Variants in OR9Q1 observed in about 807,000 individuals in gnomAD.
The protein encoded by OR9Q1 is olfactory receptor 9Q1.
For synonymous variants in OR9Q1, 153 were observed against 148.6 expected, an observed-to-expected ratio of 1.03 and a Z score of -0.22; for missense variants, 374 against 378.8, an observed-to-expected ratio of 0.99 and a Z score of 0.11.
At chr11:58,031,672 G>T (rs376001783) in intron 1 of OR9Q1, 1 of 1,613,914 alleles carries the variant, frequency 6.2e-7, no homozygotes, top group South Asian at 1.1e-5. Flanking sequence ...AGCGCTGGAA[G>T]GCCTTCTCTA....
rs111580981 is a variant in OR9Q1 at position 58,040,230 on chromosome 11, C to A, written c.-92-15640C>A. Among the ~76,000 whole-genome samples the A allele has an allele frequency of 2.8e-3, 428 of 152,302 alleles. 1 individual carries two copies. The highest frequency in any genetic ancestry group is 9.9e-3 in the African/African-American group (413 of 41,566). ...TAAAAGGACAGAGTGGACTGGGTGA[C>A]TTTAAATATCTACCTTTTGAATGTT... On this transcript the variant is annotated intron_variant, in intron 1 of 2. Transcript: ENST00000335397.
chr11:58,028,277 C>A (rs1852994977), intron 1 of OR9Q1, among the ~76,000 whole-genome samples: 1 of 152,014 alleles, frequency 6.6e-6, no homozygotes, highest in Admixed American at 6.5e-5. Context: ...GAGCAGGTGC[C>A]CTCTGCATTT....
intron 2 of OR9Q1, among the ~76,000 whole-genome samples, chr11:58,175,969 C>T (rs1450066189): frequency 6.6e-6 from 1 of 152,004 alleles, no homozygotes; most frequent in African/African-American, 2.4e-5. Context: ...GAGCAACATC[C>T]CAGGCTTTTG....
intron 2 of OR9Q1, among the ~76,000 whole-genome samples, chr11:58,100,200 C>T (rs1853770568): frequency 6.6e-6 from 1 of 152,152 alleles, no homozygotes; most frequent in Non-Finnish European, 1.5e-5. Flanking sequence ...CATACAACAT[C>T]ACTTTGCCAC....
intron 2 of OR9Q1, among the ~76,000 whole-genome samples, chr11:58,113,156 G>A (rs1279304175): frequency 6.6e-6 from 1 of 152,094 alleles, no homozygotes; most frequent in Non-Finnish European, 1.5e-5. Context: ...TAAACAATGA[G>A]GTGCTTCATT....
intron 2 of OR9Q1, among the ~76,000 whole-genome samples, chr11:58,064,551 A>G (rs1853410346): frequency 6.6e-6 from 1 of 152,140 alleles, no homozygotes; most frequent in Non-Finnish European, 1.5e-5. Flanking sequence ...GGGAGCCACA[A>G]GCATAGTTGG....
Position 58,180,509 on chromosome 11 carries a change from C to G in OR9Q1, c.*132C>G, listed in dbSNP as rs572914731. ...TACTAGGTATAAAAAAGAACCAGAA[C>G]TTTTAGCTCCAGGGAGAGGAAGGAA... On this transcript the variant is annotated 3_prime_UTR_variant, in exon 3 of 3. Coordinates refer to ENST00000335397, the MANE Select transcript of OR9Q1 (RefSeq NM_001005212.4). 2 of 524,416 alleles carry G rather than the reference C, an allele frequency of 3.8e-6. No homozygotes were observed. The highest frequency in any genetic ancestry group is 3.1e-5 in the East Asian group (1 of 32,774). The allele number at this position is 524,416 out of a possible 1,614,324, so 32.5% of individuals were successfully genotyped here.
At chr11:58,032,563 T>C (rs1425754142) in intron 1 of OR9Q1, among the ~76,000 whole-genome samples, 3 of 152,310 alleles carry the variant, frequency 2.0e-5, no homozygotes, top group Admixed American at 1.3e-4. Flanking sequence ...TGGCTAGCCA[T>C]ATGCAGAAGA....
intron 2 of OR9Q1, among the ~76,000 whole-genome samples, chr11:58,074,620 T>C (rs1475467436): frequency 6.6e-6 from 1 of 152,218 alleles, no homozygotes; most frequent in African/African-American, 2.4e-5. Flanking sequence ...TTAGGTCCCA[T>C]TTATCAATTT....
intron 2 of OR9Q1, among the ~76,000 whole-genome samples, chr11:58,146,888 A>G (rs1854303976): frequency 6.6e-6 from 1 of 152,226 alleles, no homozygotes; most frequent in Non-Finnish European, 1.5e-5. Context: ...GGCGAATTCC[A>G]TAGAAACTGT....
At chr11:58,075,634 C>A (rs1853532317) in intron 2 of OR9Q1, among the ~76,000 whole-genome samples, 1 of 152,202 alleles carries the variant, frequency 6.6e-6, no homozygotes, top group Non-Finnish European at 1.5e-5. Context: ...CACCTATGAA[C>A]AAGAAAGTGG....
At chr11:58,061,377 G>C (rs1273644199) in intron 2 of OR9Q1, among the ~76,000 whole-genome samples, 1 of 152,146 alleles carries the variant, frequency 6.6e-6, no homozygotes, top group Non-Finnish European at 1.5e-5. Flanking sequence ...CAGTCATTGA[G>C]GGTTTAAGTA....
chr11:58,045,110 C>T (rs1415028463), intron 1 of OR9Q1: 1 of 152,048 alleles, frequency 6.6e-6, no homozygotes, highest in African/African-American at 2.4e-5. Flanking sequence ...ATCCTATCCC[C>T]AAGATATTTC....
chr11:58,150,649 A>T (rs1353112525), intron 2 of OR9Q1, among the ~76,000 whole-genome samples: 3 of 152,216 alleles, frequency 2.0e-5, no homozygotes, highest in Admixed American at 6.5e-5. Context: ...GTTCGTGGTG[A>T]TGCTGGTGTA....
chr11:58,026,345 T>C (rs1419309078), intron 1 of OR9Q1, among the ~76,000 whole-genome samples: 3 of 152,198 alleles, frequency 2.0e-5, no homozygotes, highest in African/African-American at 7.2e-5. Context: ...TTTTATTTTT[T>C]CCCAACTTTT....
At chr11:58,155,384 C>T (rs1353005179) in intron 2 of OR9Q1, among the ~76,000 whole-genome samples, 4 of 151,866 alleles carry the variant, frequency 2.6e-5, no homozygotes, top group Non-Finnish European at 4.4e-5. Context: ...GGCACCGTAG[C>T]GCAGCCAAGT....
At chr11:58,053,606 T>TATATATA (rs1853291189) in intron 1 of OR9Q1, among the ~76,000 whole-genome samples, 3 of 27,702 alleles carry the variant, frequency 1.1e-4, no homozygotes, top group Admixed American at 4.7e-4. Flanking sequence ...AATAATAAAA[T>TATATATA]TAAAAAATAT....
chr11:58,089,702 T>C (rs1005647579), intron 2 of OR9Q1, among the ~76,000 whole-genome samples: 1 of 151,882 alleles, frequency 6.6e-6, no homozygotes, highest in African/African-American at 2.4e-5. Flanking sequence ...AGTCAACTGT[T>C]GCTTGATGGG....
rs117212344 is a variant in OR9Q1 at position 58,179,567 on chromosome 11, G to T, written c.123G>T (p.Gly41=). ...FLFMYLITVL[G]NLEMIILILM... ...TTATGTATCTCATCACCGTATTGGG[G>T]AACTTAGAGATGATTATTCTGATCC... Residue 41 remains glycine, a synonymous_variant, in exon 3 of 3, where the codon GGG becomes GGT. Transcript: ENST00000335397. 257 of 1,613,656 alleles carry T rather than the reference G, an allele frequency of 1.6e-4. No individual in the cohort carries two copies. The highest frequency in any genetic ancestry group is 2.1e-4 in the Non-Finnish European group (248 of 1,179,760).
Sources: gnomAD v4.1 joint callset for allele counts (sites outside exome capture counted in the v4.1 genomes callset) on GRCh38, gnomAD v4.1.1 for gene constraint, MANE v1.5 for transcripts, NCBI Gene and HGNC (gene_info 2026-07-23, HGNC 2026-07-21) for gene names.